TIGAR: variants seen among roughly 807,000 people sequenced by gnomAD.
TIGAR encodes fructose-2,6-bisphosphatase TIGAR.
In TIGAR, 7 loss-of-function variants were observed where a neutral mutation model predicts 17.9. The observed-to-expected ratio is 0.39, with a 90% CI of 0.22 to 0.73. The LOEUF (loss-of-function observed/expected upper bound fraction) is 0.73, where lower values mean the gene tolerates loss of function less well. Among genes scored for constraint, TIGAR ranks in the 30% least tolerant of loss-of-function variants. The probability of loss-of-function intolerance (pLI) is 0.42; values close to 1 mark genes in which losing one functional copy is unlikely to be tolerated. For missense variants in TIGAR, 258 were observed against 327.4 expected, an observed-to-expected ratio of 0.79 and a Z score of 1.64; for synonymous variants, 94 against 108.6, an observed-to-expected ratio of 0.87 and a Z score of 0.84.
intron 1 of TIGAR, among the ~76,000 whole-genome samples, chr12:4,323,053 C>T (rs1385552863): frequency 6.7e-6 from 1 of 149,056 alleles, no homozygotes; most frequent in East Asian, 2.0e-4. Flanking sequence ...ATCCCTTGAG[C>T]ACAGGAGTTC....
intron 3 of TIGAR, among the ~76,000 whole-genome samples, chr12:4,343,261 T>A (rs1237440206): frequency 6.6e-6 from 1 of 152,124 alleles, no homozygotes; most frequent in Non-Finnish European, 1.5e-5. Flanking sequence ...ACAAAGAGAC[T>A]TCAACTCCCA....
intron 1 of TIGAR, chr12:4,324,336 T>G: frequency 1.3e-6 from 1 of 745,306 alleles, no homozygotes; most frequent in Non-Finnish European, 2.2e-6. Context: ...TTTTTTTTTT[T>G]TTTTGGAAAT....
intron 3 of TIGAR, among the ~76,000 whole-genome samples, chr12:4,346,460 A>G (rs1864781558): frequency 6.6e-6 from 1 of 152,224 alleles, no homozygotes; most frequent in African/African-American, 2.4e-5. Flanking sequence ...CTGTAGGGAC[A>G]TAGATGAAGC....
intron 5 of TIGAR, 54 bp downstream of exon 5, chr12:4,351,431 T>A (rs1864837559): frequency 6.7e-7 from 1 of 1,481,668 alleles, no homozygotes. Context: ...AAATTAGATG[T>A]TTTGGAATTT....
Position 4,352,963 on chromosome 12 carries a change from T to G in TIGAR, c.*272T>G. The G allele has an allele frequency of 2.6e-6, 1 of 387,938 alleles. No homozygotes were observed. Among genetic ancestry groups the G allele is most frequent in the Admixed American group, 4.0e-5 (1 of 24,800 alleles). 24.0% of individuals were successfully genotyped at this position (387,938 alleles called of 1,614,324 possible). On this transcript the variant is annotated 3_prime_UTR_variant, in exon 6 of 6. Coordinates refer to ENST00000179259, the MANE Select transcript of TIGAR (RefSeq NM_020375.3). ...CATGGATGATGAAGGAACTCAGCAT[T>G]GAAAGTTGGGGGATTAGTAACCTTG... is the stretch of plus-strand genomic sequence containing the variant.
chr12:4,354,022 A>G lies in TIGAR; in HGVS notation c.*1331A>G, dbSNP rs1041227876. 3.9e-5 allele frequency: 6 copies of G among 152,608 alleles called. No homozygotes were observed. The highest frequency in any genetic ancestry group is 1.4e-4 in the African/African-American group (6 of 41,452). The allele number at this position is 152,608 out of a possible 1,614,324, so 9.5% of individuals were successfully genotyped here. A position where few individuals can be genotyped will look rare whatever the true frequency, so the allele number is the denominator to read the frequency against. On this transcript the variant is annotated 3_prime_UTR_variant, in exon 6 of 6. Transcript: ENST00000179259. Reference sequence around the variant, plus strand: ...ATTGGTCTTTCAGAAATCTTTATCTAAATGAAGAAACTGTTCTACATGTAG... The same window carrying G: ...ATTGGTCTTTCAGAAATCTTTATCTGAATGAAGAAACTGTTCTACATGTAG...
chr12:4,323,827 G>A (rs1864507356), intron 1 of TIGAR, among the ~76,000 whole-genome samples: 1 of 152,088 alleles, frequency 6.6e-6, no homozygotes, highest in Non-Finnish European at 1.5e-5. Flanking sequence ...AATGCTTTCC[G>A]GTCTGGATCC....
At chr12:4,340,997 A>C (rs1250522622) in intron 3 of TIGAR, among the ~76,000 whole-genome samples, 2 of 152,224 alleles carry the variant, frequency 1.3e-5, no homozygotes, top group African/African-American at 4.8e-5. Context: ...TTCTTGAGCA[A>C]TAACCTGCAA....
chr12:4,352,943 A>G lies in TIGAR; in HGVS notation c.*252A>G, dbSNP rs896194849. 2.3e-6 allele frequency: 1 copy of G among 425,974 alleles called. No homozygotes were observed. Among genetic ancestry groups the G allele is most frequent in the Non-Finnish European group, 4.2e-6 (1 of 240,110 alleles). 26.4% of individuals were successfully genotyped at this position (425,974 alleles called of 1,614,324 possible). A position where few individuals can be genotyped will look rare whatever the true frequency, so the allele number is the denominator to read the frequency against. On this transcript the variant is annotated 3_prime_UTR_variant, in exon 6 of 6. Transcript: ENST00000179259. Reference sequence around the variant, plus strand: ...GATGTCATCTCTGGATTGCACATGGATGATGAAGGAACTCAGCATTGAAAG... The same window carrying G: ...GATGTCATCTCTGGATTGCACATGGGTGATGAAGGAACTCAGCATTGAAAG...
At chr12:4,339,446 T>A (rs1288352903) in intron 3 of TIGAR, among the ~76,000 whole-genome samples, 1 of 152,194 alleles carries the variant, frequency 6.6e-6, no homozygotes, top group Non-Finnish European at 1.5e-5. Context: ...ACCTGATGGC[T>A]TCACTGCTGA....
At chr12:4,341,807 C>CCT (rs1864725525) in intron 3 of TIGAR, among the ~76,000 whole-genome samples, 1 of 152,190 alleles carries the variant, frequency 6.6e-6, no homozygotes, top group Admixed American at 6.5e-5. Context: ...AGCAGAAAAA[C>CCT]TGAAAATTCT....
In TIGAR at chr12:4,349,423, G is replaced by A. The variant is rs538971380; in HGVS notation, c.193-396G>A. On this transcript the variant is annotated intron_variant, in intron 3 of 5. Transcript: ENST00000179259. ...GCAAAGGAAAATCATTTCTAGTTTT[G>A]TTTTTTTTTTTTGAGATGGAGTCTC... Among the ~76,000 whole-genome samples the A allele has an allele frequency of 3.0e-4, 43 of 143,526 alleles. 1 individual carries two copies. Among genetic ancestry groups the A allele is most frequent in the Non-Finnish European group, 2.8e-4 (18 of 65,038 alleles). The allele number at this position is 143,526 out of a possible 152,430, so 94.2% of individuals were successfully genotyped here.
At chr12:4,334,033 T>C (rs1201843102) in intron 2 of TIGAR, among the ~76,000 whole-genome samples, 1 of 152,120 alleles carries the variant, frequency 6.6e-6, no homozygotes, top group East Asian at 1.9e-4. Context: ...TACCTGCTTT[T>C]ACTTCTTAAG....
intron 1 of TIGAR, among the ~76,000 whole-genome samples, chr12:4,330,823 G>T (rs1864595832): frequency 6.6e-6 from 1 of 152,152 alleles, no homozygotes; most frequent in East Asian, 1.9e-4. Context: ...AGAAGGCAGG[G>T]GGTTCTGAAG....
chr12:4,337,112 T>G lies in TIGAR; in HGVS notation c.144T>G (p.Asn48Lys), dbSNP rs778288561. The change falls in exon 3 of 6, where the codon AAT becomes AAG. Residue 48 changes from asparagine (N) to lysine (K), a missense_variant. Coordinates refer to ENST00000179259, the MANE Select transcript of TIGAR (RefSeq NM_020375.3). ...CAGCTGCTGGTATATTTCTGAATAA[T>G]GTGAAGTTTACTCATGCTTTCTCCA... ...QAAAAGIFLN[N>K]VKFTHAFSSD... 26 of 1,613,586 alleles carry G rather than the reference T, an allele frequency of 1.6e-5. No homozygotes were observed. In the East Asian group the frequency reaches 5.8e-4, roughly 36 times the overall value.
chr12:4,358,671 T>C lies in TIGAR; in HGVS notation c.*5980T>C, dbSNP rs1052154506. ...TTTGACATTGATATTGCCTATTAGCTAATCCTTAGACCAAATTTAAATTCT... is the reference window on the plus strand; with the variant it reads ...TTTGACATTGATATTGCCTATTAGCCAATCCTTAGACCAAATTTAAATTCT... On this transcript the variant is annotated 3_prime_UTR_variant, in exon 6 of 6. Transcript: ENST00000179259. Among the ~76,000 whole-genome samples the C allele has an allele frequency of 3.9e-5, 6 of 151,950 alleles. No individual in the cohort carries two copies. The highest frequency in any genetic ancestry group is 1.4e-4 in the African/African-American group (6 of 41,410).
intron 4 of TIGAR, among the ~76,000 whole-genome samples, chr12:4,350,375 C>T (rs1864825177): frequency 6.6e-6 from 1 of 152,160 alleles, no homozygotes; most frequent in Non-Finnish European, 1.5e-5. Flanking sequence ...TTCCAGAAAA[C>T]CTGTGCCAAT....
intron 4 of TIGAR, among the ~76,000 whole-genome samples, chr12:4,350,231 C>T (rs910000807): frequency 1.3e-5 from 2 of 152,170 alleles, no homozygotes; most frequent in Non-Finnish European, 2.9e-5. Flanking sequence ...TTTCACTAGA[C>T]TACCACTGAT....
rs192231618 is a variant in TIGAR at position 4,336,250 on chromosome 12, C to A, written c.71-789C>A. Among the ~76,000 whole-genome samples the A allele has an allele frequency of 5.5e-3, 842 of 152,262 alleles. 2 individuals carry two copies. The highest frequency in any genetic ancestry group is 7.8e-3 in the Non-Finnish European group (534 of 68,028). ...AGTCTCCTTACAGGAGCCCTCGCTC[C>A]CAAGAATGTTGTGTTTAGTCCTCCC... On this transcript the variant is annotated intron_variant, in intron 2 of 5. Transcript: ENST00000179259.
Sources: allele counts gnomAD v4.1 joint callset (sites outside exome capture counted in the v4.1 genomes callset), GRCh38; gene constraint gnomAD v4.1.1; transcripts MANE v1.5; gene names NCBI Gene and HGNC (gene_info 2026-07-23, HGNC 2026-07-21).